Variants in DGUOK observed in about 807,000 individuals in gnomAD.
The protein encoded by DGUOK is deoxyguanosine kinase, mitochondrial.
DGUOK carries 30 observed loss-of-function variants against 36.6 expected under a neutral mutation model. The observed-to-expected ratio is 0.82, with a 90% confidence interval of 0.61 to 1.11. The LOEUF (loss-of-function observed/expected upper bound fraction) is 1.11. Among genes scored for constraint, DGUOK ranks in the 50% most tolerant of loss-of-function variants. The pLI, the probability that DGUOK is intolerant of heterozygous loss-of-function variation, is 0.00. For synonymous variants in DGUOK, 145 were observed against 126.3 expected, an observed-to-expected ratio of 1.15 and a Z score of -0.99; for missense variants, 361 against 336.4, an observed-to-expected ratio of 1.07 and a Z score of -0.57.
At chr2:73,945,968 CGGAGGTTGCAGTGAGCCG>C (rs1281905456) in intron 2 of DGUOK, among the ~76,000 whole-genome samples, 6 of 148,362 alleles carry the variant, frequency 4.0e-5, no homozygotes, top group African/African-American at 1.0e-4. Flanking sequence ...GGGAGGAGGG[CGGAGGTTGCAGTGAGCCG>C]GGAGGTTGCA....
intron 1 of DGUOK, among the ~76,000 whole-genome samples, chr2:73,934,251 A>G (rs1314384720): frequency 6.6e-6 from 1 of 152,180 alleles, no homozygotes; most frequent in Non-Finnish European, 1.5e-5. Context: ...TAACAACAGA[A>G]CTCTTTGTCC....
chr2:73,932,004 G>A (rs573953324), intron 1 of DGUOK, among the ~76,000 whole-genome samples: 20 of 152,208 alleles, frequency 1.3e-4, no homozygotes, highest in Non-Finnish European at 2.8e-4. Context: ...GGTCTGGGGA[G>A]GTTAGAGTGA....
chr2:73,935,687 A>G (rs529687023), intron 1 of DGUOK, among the ~76,000 whole-genome samples: 4 of 152,306 alleles, frequency 2.6e-5, no homozygotes, highest in East Asian at 3.9e-4. Flanking sequence ...GCTGAGAAAC[A>G]TGGATGGCAC....
At chr2:73,932,480 G>T (rs984350896) in intron 1 of DGUOK, 1 of 519,928 alleles carries the variant, frequency 1.9e-6, no homozygotes, top group African/African-American at 2.0e-5. Flanking sequence ...ACTCAGTACT[G>T]ACCAGATTCT....
chr2:73,942,344 TA>T (rs1266992855), intron 2 of DGUOK, among the ~76,000 whole-genome samples: 4 of 152,222 alleles, frequency 2.6e-5, no homozygotes, highest in Non-Finnish European at 5.9e-5. Flanking sequence ...CCCAGGAGTA[TA>T]AAAATAATCT....
intron 1 of DGUOK, among the ~76,000 whole-genome samples, chr2:73,929,656 AGAG>A: frequency 6.6e-6 from 1 of 152,326 alleles, no homozygotes; most frequent in South Asian, 2.1e-4. Context: ...AAAAAACAAA[AGAG>A]AATGATATCC....
At chr2:73,944,702 C>T (rs1348817421) in intron 2 of DGUOK, among the ~76,000 whole-genome samples, 1 of 152,196 alleles carries the variant, frequency 6.6e-6, no homozygotes, top group African/African-American at 2.4e-5. Flanking sequence ...GTTTCTTTTA[C>T]ATTTTTGGTT....
In DGUOK at chr2:73,946,746, T is replaced by C. The variant is rs1468741002; in HGVS notation, c.283T>C (p.Leu95=). 2 of 1,614,064 alleles carry C rather than the reference T, an allele frequency of 1.2e-6. No individual in the cohort carries two copies. The highest frequency in any genetic ancestry group is 1.3e-5 in the African/African-American group (1 of 74,922). The part of the protein sequence containing the change: ...KACTAQSLGN[L]LDMMYREPAR... ...CTGCACTGCCCAAAGTCTTGGAAAC[T>C]TGCTGGATATGATGTACCGGGAGCC... is the stretch of plus-strand genomic sequence containing the variant. Residue 95 remains leucine, a synonymous_variant, in exon 3 of 7, where the codon TTG becomes CTG. Coordinates refer to ENST00000264093, the MANE Select transcript of DGUOK (RefSeq NM_080916.3).
intron 4 of DGUOK, among the ~76,000 whole-genome samples, chr2:73,955,506 G>A (rs1683022393): frequency 6.6e-6 from 1 of 152,142 alleles, no homozygotes; most frequent in South Asian, 2.1e-4. Context: ...AAACAGCAAA[G>A]ACTCCCAAGT....
At chr2:73,928,269 G>A (rs1044297685) in intron 1 of DGUOK, among the ~76,000 whole-genome samples, 1 of 152,004 alleles carries the variant, frequency 6.6e-6, no homozygotes, top group African/African-American at 2.4e-5. Flanking sequence ...CTGGGATTAG[G>A]GGCACCCGCC....
chr2:73,949,188 G>A (rs1308450650), intron 3 of DGUOK, among the ~76,000 whole-genome samples: 1 of 152,218 alleles, frequency 6.6e-6, no homozygotes, highest in Non-Finnish European at 1.5e-5. Context: ...CTGGCCTCAG[G>A]TGATCCGTCC....
At position 73,946,730 on chromosome 2, in the gene DGUOK, C is replaced by T. The variant is rs781178702; in HGVS notation, c.267C>T (p.Ala89=). 2.5e-6 allele frequency: 4 copies of T among 1,613,928 alleles called. No individual in the cohort carries two copies. The South Asian group carries it at 4.4e-5, about 18-fold the overall frequency. ...TCATCTCCCTCTAGGCCTGCACTGC[C>T]CAAAGTCTTGGAAACTTGCTGGATA... is the stretch of plus-strand genomic sequence containing the variant. The part of the protein sequence containing the change: ...QAAGTQKACT[A]QSLGNLLDMM... The change falls in exon 3 of 7, where the codon GCC becomes GCT. Residue 89 remains alanine, a synonymous_variant. Coordinates refer to ENST00000264093, the MANE Select transcript of DGUOK (RefSeq NM_080916.3).
At chr2:73,943,337 T>G (rs2104927998) in intron 2 of DGUOK, among the ~76,000 whole-genome samples, 1 of 151,460 alleles carries the variant, frequency 6.6e-6, no homozygotes, top group East Asian at 1.9e-4. Context: ...TTTTTTTTTT[T>G]TTTTTGTAGA....
chr2:73,933,667 G>GT (rs1366976761), intron 1 of DGUOK, among the ~76,000 whole-genome samples: 1 of 151,810 alleles, frequency 6.6e-6, no homozygotes, highest in East Asian at 1.9e-4. Context: ...AATGTATTAA[G>GT]TTTTTTTTAA....
chr2:73,957,534 T>TGTG (rs1683206965), intron 5 of DGUOK, among the ~76,000 whole-genome samples: 1 of 151,870 alleles, frequency 6.6e-6, no homozygotes, highest in Admixed American at 6.6e-5. Context: ...ATTAGCCAGG[T>TGTG]GTGGTGTCAG....
chr2:73,928,052 TAAGC>T (rs1452687718), intron 1 of DGUOK, among the ~76,000 whole-genome samples: 1 of 152,144 alleles, frequency 6.6e-6, no homozygotes, highest in Admixed American at 6.5e-5. Flanking sequence ...CAACATAAAT[TAAGC>T]AAGGTGAACA....
intron 6 of DGUOK, among the ~76,000 whole-genome samples, chr2:73,958,492 G>C (rs756730039): frequency 6.6e-6 from 1 of 152,048 alleles, no homozygotes; most frequent in Non-Finnish European, 1.5e-5. Context: ...CTTCTCTAAG[G>C]CATCCTAAAA....
At chr2:73,933,801 C>A (rs577234781) in intron 1 of DGUOK, among the ~76,000 whole-genome samples, 10 of 152,116 alleles carry the variant, frequency 6.6e-5, no homozygotes, top group Non-Finnish European at 8.8e-5. Flanking sequence ...CCTAGATCAT[C>A]ATTTCAGTTA....
chr2:73,952,154 G>A (rs921947946), intron 4 of DGUOK, among the ~76,000 whole-genome samples: 5 of 152,166 alleles, frequency 3.3e-5, no homozygotes, highest in African/African-American at 7.2e-5. Context: ...AGGTGACAGC[G>A]TGAGAACTTG....
Sources: gnomAD v4.1 joint callset for allele counts (sites outside exome capture counted in the v4.1 genomes callset) on GRCh38, gnomAD v4.1.1 for gene constraint, MANE v1.5 for transcripts, NCBI Gene and HGNC (gene_info 2026-07-23, HGNC 2026-07-21) for gene names.